The following ADARB2 variants were observed in gnomAD, a reference collection of about 807,000 sequenced individuals.
ADARB2 encodes adenosine deaminase RNA specific B2 (inactive).
Under a neutral mutation model 62.2 loss-of-function variants are expected in ADARB2, and 25 were observed. The ratio of observed to expected loss-of-function variants is 0.40; its 90% confidence interval spans 0.29 to 0.56. The LOEUF (loss-of-function observed/expected upper bound fraction) is 0.56. ADARB2 is among the 20% of genes least tolerant of loss of function. The probability of loss-of-function intolerance (pLI) is 0.43; values close to 1 mark genes in which losing one functional copy is unlikely to be tolerated. For synonymous variants in ADARB2, 572 were observed against 500.8 expected (o/e 1.14, Z -1.90); for missense variants, 1,071 against 1,077.4 (o/e 0.99, Z 0.08).
At chr10:1,410,749 T>A (rs1208084592) in intron 1 of ADARB2, among the ~76,000 whole-genome samples, 1 of 152,094 alleles carries the variant, frequency 6.6e-6, no homozygotes, top group Non-Finnish European at 1.5e-5. Context: ...GTGCTTTGAT[T>A]CACCACGGGG....
chr10:1,453,770 T>C (rs551772956), intron 1 of ADARB2, among the ~76,000 whole-genome samples: 1 of 152,146 alleles, frequency 6.6e-6, no homozygotes, highest in South Asian at 2.1e-4. Context: ...TCACTAATCA[T>C]TAGGGAAATG....
rs187000555 is a variant in ADARB2, at chr10:1,520,152, C to T, written c.101-140992G>A. 5.3e-5 allele frequency among the ~76,000 whole-genome samples: 8 copies of T among 152,308 alleles called. 1 individual carries two copies. Among genetic ancestry groups the T allele is most frequent in the Admixed American group, 4.6e-4 (7 of 15,298 alleles). Reference sequence around the variant, plus strand: ...AATTAAGTGTATCCATACACAGGAGCATATGCGGTTTTAACTTGGTAGCAC... The same window carrying T: ...AATTAAGTGTATCCATACACAGGAGTATATGCGGTTTTAACTTGGTAGCAC... On this transcript the variant is annotated intron_variant, in intron 1 of 9. Coordinates refer to ENST00000381312, the MANE Select transcript of ADARB2 (RefSeq NM_018702.4).
intron 1 of ADARB2, among the ~76,000 whole-genome samples, chr10:1,441,645 A>G (rs539656671): frequency 6.6e-6 from 1 of 152,344 alleles, no homozygotes; most frequent in South Asian, 2.1e-4. Context: ...TTCTCATGAC[A>G]TATTTGTCTT....
chr10:1,630,705 G>C (rs991876378), intron 1 of ADARB2, among the ~76,000 whole-genome samples: 10 of 152,138 alleles, frequency 6.6e-5, no homozygotes, highest in African/African-American at 2.4e-4. Context: ...GAAATATGAA[G>C]GAACACTTTG....
chr10:1,270,446 C>T lies in ADARB2; in HGVS notation c.1192+509G>A, dbSNP rs574735694. The stretch of plus-strand genomic sequence containing the variant: ...TGGCTTGTTATTAATGGGTTGGTGG[C>T]TCGTTGTTTCCACAGGGCCGATTGA... On this transcript the variant is annotated intron_variant, in intron 4 of 9. Coordinates refer to ENST00000381312, the MANE Select transcript of ADARB2 (RefSeq NM_018702.4). Among the ~76,000 whole-genome samples the T allele has an allele frequency of 4.6e-5, 7 of 152,288 alleles. No individual in the cohort carries two copies. The South Asian group carries it at 1.5e-3, about 32-fold the overall frequency.
chr10:1,438,501 CA>C (rs1830860706), intron 1 of ADARB2, among the ~76,000 whole-genome samples: 1 of 146,980 alleles, frequency 6.8e-6, no homozygotes. Context: ...TGAGTCTCCC[CA>C]GGACAGAGGC....
intron 2 of ADARB2, among the ~76,000 whole-genome samples, chr10:1,366,745 T>TGGAAGA (rs1458591016): frequency 6.6e-6 from 1 of 152,196 alleles, no homozygotes; most frequent in Non-Finnish European, 1.5e-5. Context: ...CTGGGCCCTC[T>TGGAAGA]GGAAGAGGAA....
chr10:1,280,729 A>G (rs967976574), intron 3 of ADARB2, among the ~76,000 whole-genome samples: 1 of 151,970 alleles, frequency 6.6e-6, no homozygotes, highest in Non-Finnish European at 1.5e-5. Context: ...ATGCTCTATG[A>G]TATTCCTAAG....
At chr10:1,355,397 A>C (rs1327697199) in intron 3 of ADARB2, among the ~76,000 whole-genome samples, 3 of 152,198 alleles carry the variant, frequency 2.0e-5, no homozygotes, top group Non-Finnish European at 4.4e-5. Flanking sequence ...CCCCTCAGTG[A>C]CTAGACTTTG....
chr10:1,194,916 G>GT (rs1278683739), intron 8 of ADARB2, among the ~76,000 whole-genome samples: 2 of 152,090 alleles, frequency 1.3e-5, no homozygotes, highest in Non-Finnish European at 2.9e-5. Flanking sequence ...GTGTCTGCTT[G>GT]TTTTTTGTGT....
rs1835121557 is a variant in ADARB2 at position 1,723,398 on chromosome 10, C to T, written c.100+13653G>A. Among the ~76,000 whole-genome samples the T allele has an allele frequency of 2.6e-5, 4 of 152,218 alleles. No individual in the cohort carries two copies. The South Asian group carries it at 8.3e-4, about 32-fold the overall frequency. On this transcript the variant is annotated intron_variant, in intron 1 of 9. Transcript: ENST00000381312. ...TGGTCCCTTCTTAAGCAAAGAACAG[C>T]CGGTGGGGCCGGAGGGACCAGGCTC...
intron 1 of ADARB2, among the ~76,000 whole-genome samples, chr10:1,419,694 T>C (rs2805540): frequency 2.6e-5 from 4 of 152,220 alleles, no homozygotes; most frequent in Non-Finnish European, 5.9e-5. Flanking sequence ...TATAACAGAA[T>C]GAATTATATC....
chr10:1,198,149 G>A (rs1836935475), intron 8 of ADARB2, among the ~76,000 whole-genome samples: 1 of 152,210 alleles, frequency 6.6e-6, no homozygotes, highest in South Asian at 2.1e-4. Context: ...AATTTTTCAA[G>A]TATATCCTTC....
chr10:1,587,533 G>T (rs1679099047), intron 1 of ADARB2, among the ~76,000 whole-genome samples: 1 of 149,816 alleles, frequency 6.7e-6, no homozygotes, highest in Non-Finnish European at 1.5e-5. Context: ...TGGTCTATTT[G>T]TTGTTTTGAT....
At chr10:1,632,121 G>A (rs537677489) in intron 1 of ADARB2, among the ~76,000 whole-genome samples, 49 of 152,048 alleles carry the variant, frequency 3.2e-4, no homozygotes, top group Non-Finnish European at 4.0e-4. Flanking sequence ...CTGTTCCTAG[G>A]GCCATAAAAT....
At chr10:1,503,437 C>A (rs1831792599) in intron 1 of ADARB2, among the ~76,000 whole-genome samples, 1 of 151,940 alleles carries the variant, frequency 6.6e-6, no homozygotes, top group Non-Finnish European at 1.5e-5. Flanking sequence ...CTCCTTGTGC[C>A]CCCAAAGACC....
chr10:1,411,305 A>G lies in ADARB2; in HGVS notation c.101-32145T>C, dbSNP rs76650927. ...GCGGGGCAACCCTGGCTTCGGGGGA[A>G]CACAGTGCTGCTCCTTCAAGTGCAC... On this transcript the variant is annotated intron_variant, in intron 1 of 9. Coordinates refer to ENST00000381312, the MANE Select transcript of ADARB2 (RefSeq NM_018702.4). Among the ~76,000 whole-genome samples, 255 of 152,282 alleles carry G rather than the reference A, an allele frequency of 1.7e-3. 2 individuals carry two copies. In the East Asian group the frequency reaches 0.017, roughly 10 times the overall value.
intron 1 of ADARB2, among the ~76,000 whole-genome samples, chr10:1,606,436 A>T (rs1376167085): frequency 6.6e-6 from 1 of 150,946 alleles, no homozygotes; most frequent in Non-Finnish European, 1.5e-5. Context: ...TTCACAGCCC[A>T]AGGAAGGGAC....
chr10:1,231,595 TCCC>T (rs1830804636), intron 6 of ADARB2, among the ~76,000 whole-genome samples: 1 of 152,150 alleles, frequency 6.6e-6, no homozygotes, highest in Non-Finnish European at 1.5e-5. Context: ...TGCCTCTCTC[TCCC>T]TACTGCAGGA....
Sources: allele counts gnomAD v4.1 joint callset (sites outside exome capture counted in the v4.1 genomes callset), GRCh38; gene constraint gnomAD v4.1.1; transcripts MANE v1.5; gene names NCBI Gene and HGNC (gene_info 2026-07-23, HGNC 2026-07-21).